ADCY2: variants seen among roughly 807,000 people sequenced by gnomAD.
ADCY2 encodes the protein adenylate cyclase type 2.
ADCY2 carries 31 observed loss-of-function variants against 125.2 expected under a neutral mutation model. That is an observed-to-expected ratio of 0.25 (90% confidence interval 0.19 to 0.33). The LOEUF (loss-of-function observed/expected upper bound fraction) is 0.33, where lower values mean the gene tolerates loss of function less well. Ranked by LOEUF, ADCY2 falls within the 10% of genes least tolerant of loss-of-function variation. ADCY2 has a pLI of 1.00. For synonymous variants in ADCY2, 512 were observed against 548.4 expected (o/e 0.93, Z 0.93); for missense variants, 904 against 1,418.2 (o/e 0.64, Z 5.82).
At chr5:7,782,044 A>G (rs965404628) in intron 18 of ADCY2, 1 of 158,778 alleles carries the variant, frequency 6.3e-6, no homozygotes, top group African/African-American at 2.4e-5. Flanking sequence ...TGGAGTCCCT[A>G]GTAGTTGTCA....
intron 20 of ADCY2, chr5:7,799,760 C>T (rs1263457644): frequency 6.6e-6 from 1 of 152,312 alleles, no homozygotes; most frequent in African/African-American, 2.4e-5. Flanking sequence ...CGCTTGGAGC[C>T]CAGCCTAGGG....
rs576298615 is a variant in ADCY2 at position 7,695,401 on chromosome 5, C to G, written c.870-351C>G. On this transcript the variant is annotated intron_variant, in intron 5 of 24. Transcript: ENST00000338316. ...AAATTCTGAACGTCAGGAAGATATT[C>G]CATGTCTGCTTCATCCTGGCAGATA... Among the ~76,000 whole-genome samples the G allele has an allele frequency of 2.6e-5, 4 of 152,322 alleles. No homozygotes were observed. The South Asian group carries it at 8.3e-4, about 32-fold the overall frequency.
intron 15 of ADCY2, among the ~76,000 whole-genome samples, chr5:7,745,908 GA>G (rs544006081): frequency 6.6e-6 from 1 of 152,284 alleles, no homozygotes; most frequent in East Asian, 1.9e-4. Context: ...GCTGGGGGCA[GA>G]AAAAAATATC....
intron 18 of ADCY2, among the ~76,000 whole-genome samples, chr5:7,776,533 G>A (rs12520791): frequency 0.14 from 21,080 of 152,156 alleles, 2,275 homozygotes; most frequent in East Asian, 0.62. Context: ...TTGACCTTGA[G>A]TGCTCTGACG....
At chr5:7,634,580 A>G (rs951527188) in intron 4 of ADCY2, among the ~76,000 whole-genome samples, 1 of 152,162 alleles carries the variant, frequency 6.6e-6, no homozygotes, top group Non-Finnish European at 1.5e-5. Context: ...AGATAATGAT[A>G]CTCACATAAA....
intron 23 of ADCY2, among the ~76,000 whole-genome samples, chr5:7,820,218 C>T (rs536562701): frequency 1.3e-5 from 2 of 152,264 alleles, no homozygotes; most frequent in Admixed American, 6.5e-5. Flanking sequence ...TTTGGCCTGG[C>T]GCGGTGGCTC....
chr5:7,782,793 A>T (rs1351747453), intron 18 of ADCY2, among the ~76,000 whole-genome samples: 1 of 152,256 alleles, frequency 6.6e-6, no homozygotes, highest in East Asian at 1.9e-4. Context: ...AATTCATGAA[A>T]GTCAGAGTCA....
intron 2 of ADCY2, among the ~76,000 whole-genome samples, chr5:7,431,539 A>T (rs1740602022): frequency 6.6e-6 from 1 of 151,252 alleles, no homozygotes; most frequent in Non-Finnish European, 1.5e-5. Flanking sequence ...TAAAAAAAAA[A>T]ACCCTGATAG....
At chr5:7,672,563 C>T (rs1739972802) in intron 4 of ADCY2, among the ~76,000 whole-genome samples, 1 of 152,018 alleles carries the variant, frequency 6.6e-6, no homozygotes, top group South Asian at 2.1e-4. Flanking sequence ...GCAGTGGTGC[C>T]ATCATGGCTT....
intron 2 of ADCY2, among the ~76,000 whole-genome samples, chr5:7,467,307 A>T (rs555620117): frequency 6.6e-6 from 1 of 152,160 alleles, no homozygotes; most frequent in African/African-American, 2.4e-5. Flanking sequence ...TCAGCCAACT[A>T]TGTTTTTATC....
intron 4 of ADCY2, among the ~76,000 whole-genome samples, chr5:7,649,021 G>A (rs1738995340): frequency 6.6e-6 from 1 of 152,194 alleles, no homozygotes; most frequent in Admixed American, 6.5e-5. Context: ...GGGTTACATA[G>A]TGGGATCCAC....
At position 7,600,341 on chromosome 5, in the gene ADCY2, A is replaced by T. The variant is rs562773577; in HGVS notation, c.571-25826A>T. 2.6e-5 allele frequency among the ~76,000 whole-genome samples: 4 copies of T among 152,290 alleles called. No homozygotes were observed. The East Asian group carries it at 7.7e-4, about 29-fold the overall frequency. On this transcript the variant is annotated intron_variant, in intron 3 of 24. Transcript: ENST00000338316. Reference sequence around the variant, plus strand: ...GTCAAGGTGGAGAGGTTGTCCTTGAACAGGAGGGCACAGTGGACTGGAGAA... The same window carrying T: ...GTCAAGGTGGAGAGGTTGTCCTTGATCAGGAGGGCACAGTGGACTGGAGAA...
At chr5:7,683,517 C>T (rs1273450760) in intron 4 of ADCY2, among the ~76,000 whole-genome samples, 2 of 152,166 alleles carry the variant, frequency 1.3e-5, no homozygotes, top group Non-Finnish European at 2.9e-5. Context: ...GGCTCAAAGT[C>T]ACTATCTGTG....
chr5:7,754,748 T>A (rs115324766), intron 15 of ADCY2, among the ~76,000 whole-genome samples: 1,742 of 151,398 alleles, frequency 0.012, 41 homozygotes, highest in African/African-American at 0.04. Context: ...ACTCAGCTAC[T>A]CAGGAGGCTG....
chr5:7,788,671 C>T (rs980609272), intron 19 of ADCY2, among the ~76,000 whole-genome samples: 5 of 151,966 alleles, frequency 3.3e-5, no homozygotes, highest in African/African-American at 9.7e-5. Context: ...TTTTTTAATT[C>T]CCATTTGTGC....
intron 4 of ADCY2, among the ~76,000 whole-genome samples, chr5:7,656,864 A>G (rs867751010): frequency 1.3e-5 from 2 of 152,202 alleles, no homozygotes; most frequent in Admixed American, 6.5e-5. Context: ...TTCTGAACAC[A>G]TAGTAACGGT....
At chr5:7,512,218 CAAAAA>C (rs57381383) in intron 2 of ADCY2, among the ~76,000 whole-genome samples, 16 of 57,912 alleles carry the variant, frequency 2.8e-4, no homozygotes, top group South Asian at 2.3e-3. Context: ...ATGACTCCAT[CAAAAA>C]AAAAAAAAAA....
intron 2 of ADCY2, among the ~76,000 whole-genome samples, chr5:7,457,678 G>C (rs1001016728): frequency 3.3e-5 from 5 of 152,190 alleles, no homozygotes; most frequent in African/African-American, 1.2e-4. Context: ...CACACCTGCA[G>C]ATCAGGATCA....
chr5:7,774,716 C>A (rs771683214), intron 18 of ADCY2, among the ~76,000 whole-genome samples: 1 of 152,120 alleles, frequency 6.6e-6, no homozygotes, highest in Admixed American at 6.5e-5. Context: ...TATTTGCGCT[C>A]GGTTTGTCTT....
Sources: allele counts gnomAD v4.1 joint callset (sites outside exome capture counted in the v4.1 genomes callset), GRCh38; gene constraint gnomAD v4.1.1; transcripts MANE v1.5; gene names NCBI Gene and HGNC (gene_info 2026-07-23, HGNC 2026-07-21).